Variants in PARD3B observed in about 807,000 individuals in gnomAD.
PARD3B encodes the protein par-3 family cell polarity regulator beta.
A neutral mutation model predicts 130.2 loss-of-function variants in PARD3B; 103 were observed. The ratio of observed to expected loss-of-function variants is 0.79; its 90% CI spans 0.67 to 0.93. The LOEUF (loss-of-function observed/expected upper bound fraction) is 0.93. Among genes scored for constraint, PARD3B ranks in the 40% least tolerant of loss-of-function variants. The pLI, the probability that PARD3B is intolerant of heterozygous loss-of-function variation, is 0.00. For synonymous variants in PARD3B, 583 were observed against 553.2 expected, an observed-to-expected ratio of 1.05 and a Z score of -0.76; for missense variants, 1,609 against 1,499.2, an observed-to-expected ratio of 1.07 and a Z score of -1.21.
chr2:205,188,030 C>T (rs2036194038), intron 14 of PARD3B, among the ~76,000 whole-genome samples: 2 of 152,148 alleles, frequency 1.3e-5, no homozygotes, highest in Admixed American at 1.3e-4. Flanking sequence ...GGAAAGCATC[C>T]CTGCCTGCAA....
At chr2:204,588,196 T>C (rs952592730) in intron 1 of PARD3B, among the ~76,000 whole-genome samples, 4 of 152,234 alleles carry the variant, frequency 2.6e-5, no homozygotes, top group Non-Finnish European at 5.9e-5. Flanking sequence ...TTCCGTGACT[T>C]GGACTTGCAT....
At chr2:204,932,103 C>A (rs780146128) in intron 2 of PARD3B, among the ~76,000 whole-genome samples, 2 of 152,002 alleles carry the variant, frequency 1.3e-5, no homozygotes, top group African/African-American at 4.8e-5. Flanking sequence ...TCTTAGAGAT[C>A]TTTTCATCAT....
At chr2:204,790,633 C>A (rs1349032593) in intron 2 of PARD3B, among the ~76,000 whole-genome samples, 1 of 152,074 alleles carries the variant, frequency 6.6e-6, no homozygotes, top group African/African-American at 2.4e-5. Context: ...TTTAGTAGAC[C>A]CGTATGGATG....
rs752637833 is a variant in PARD3B at position 205,176,597 on chromosome 2, ATCCAC to A, written c.1924+22_1924+26del. The A allele has an allele frequency of 6.4e-7, 1 of 1,572,832 alleles. No individual in the cohort carries two copies. Among genetic ancestry groups the A allele is most frequent in the South Asian group, 1.2e-5 (1 of 84,606 alleles). ...AGAAAGGTAAGAGTCTATTCATTTT[ATCCAC>A]TGCAAATGGAGTGAGAAAACACAAA... is the stretch of plus-strand genomic sequence containing the variant. On this transcript the variant is annotated intron_variant, in intron 13 of 22. Coordinates refer to ENST00000406610, the MANE Select transcript of PARD3B (RefSeq NM_001302769.2). The surrounding 1 kb of genome is among the most constrained non-coding windows in gnomAD (Gnocchi z 5.3).
At chr2:204,955,468 AG>A (rs1238917410) in intron 2 of PARD3B, among the ~76,000 whole-genome samples, 9 of 152,212 alleles carry the variant, frequency 5.9e-5, no homozygotes, top group African/African-American at 1.9e-4. Context: ...AAAAGTCAGG[AG>A]TAGGGAGATG....
chr2:205,109,556 T>A (rs989930842), intron 5 of PARD3B, among the ~76,000 whole-genome samples: 3 of 152,186 alleles, frequency 2.0e-5, no homozygotes, highest in African/African-American at 7.2e-5. Context: ...ATTGAATGCT[T>A]TGTAAATACC....
intron 2 of PARD3B, among the ~76,000 whole-genome samples, chr2:204,931,723 G>C (rs182653727): frequency 6.6e-6 from 1 of 151,814 alleles, no homozygotes; most frequent in East Asian, 1.9e-4. Context: ...TACTGGCCCT[G>C]TATCTGGTTA....
intron 1 of PARD3B, among the ~76,000 whole-genome samples, chr2:204,570,707 T>C (rs1029982887): frequency 2.0e-5 from 3 of 150,578 alleles, no homozygotes; most frequent in African/African-American, 7.3e-5. Flanking sequence ...CTGTTGTAAC[T>C]GAGGTGTATA....
intron 2 of PARD3B, among the ~76,000 whole-genome samples, chr2:204,741,854 A>AG (rs2040021579): frequency 6.8e-6 from 1 of 146,140 alleles, no homozygotes; most frequent in African/African-American, 2.7e-5. Context: ...TTCTAAAAGC[A>AG]ATTTTTTTTT....
chr2:205,001,959 A>G (rs1389061676), intron 3 of PARD3B, among the ~76,000 whole-genome samples: 1 of 152,214 alleles, frequency 6.6e-6, no homozygotes, highest in Non-Finnish European at 1.5e-5. Flanking sequence ...ATACACTGAA[A>G]TTTAATTGGG....
chr2:205,046,125 T>A (rs1698759454), intron 3 of PARD3B, among the ~76,000 whole-genome samples: 1 of 152,156 alleles, frequency 6.6e-6, no homozygotes, highest in South Asian at 2.1e-4. Flanking sequence ...TGCTGGTAAT[T>A]GAGGGGCTTA....
At chr2:205,284,017 AG>A (rs1229022246) in intron 16 of PARD3B, among the ~76,000 whole-genome samples, 1 of 152,232 alleles carries the variant, frequency 6.6e-6, no homozygotes, top group African/African-American at 2.4e-5. Context: ...GTGAATTAAA[AG>A]GTTATGTCAG....
intron 22 of PARD3B, among the ~76,000 whole-genome samples, chr2:205,613,597 G>C (rs1426498096): frequency 6.6e-6 from 1 of 152,162 alleles, no homozygotes; most frequent in Non-Finnish European, 1.5e-5. Context: ...ATACAGCAAA[G>C]CAAACTGCAC....
chr2:205,015,449 T>A lies in PARD3B; in HGVS notation c.395-32132T>A, dbSNP rs1696069332. Among the ~76,000 whole-genome samples the A allele has an allele frequency of 6.6e-6, 1 of 152,178 alleles. No homozygotes were observed. On this transcript the variant is annotated intron_variant, in intron 3 of 22. Coordinates refer to ENST00000406610, the MANE Select transcript of PARD3B (RefSeq NM_001302769.2). This position sits in a 1 kb window ranked among gnomAD's most constrained non-coding sequence, Gnocchi z 4.5. ...GGTCAACCATACTGACATGTTTACA[T>A]GTATTTCTCCTTGGCAAGATGCAGA...
chr2:204,668,595 T>A (rs1030602820), intron 1 of PARD3B, among the ~76,000 whole-genome samples: 5 of 152,138 alleles, frequency 3.3e-5, no homozygotes, highest in African/African-American at 1.2e-4. Context: ...TCCAAATACA[T>A]CTCTGAGGTA....
chr2:205,510,139 A>G (rs546102557), intron 21 of PARD3B, among the ~76,000 whole-genome samples: 1 of 152,314 alleles, frequency 6.6e-6, no homozygotes, highest in Non-Finnish European at 1.5e-5. Context: ...AATTTGGGCA[A>G]TTTATTTTAC....
rs778873895 is a variant in PARD3B, at chr2:204,654,202, C to G, written c.121-31979C>G. Among the ~76,000 whole-genome samples the G allele has an allele frequency of 3.0e-4, 46 of 151,090 alleles. 1 individual carries two copies. Among genetic ancestry groups the G allele is most frequent in the Admixed American group, 3.0e-3 (46 of 15,258 alleles). On this transcript the variant is annotated intron_variant, in intron 1 of 22. Coordinates refer to ENST00000406610, the MANE Select transcript of PARD3B (RefSeq NM_001302769.2). Reference sequence around the variant, plus strand: ...CTTGGTTAACTTATGGTGAGTGTGCCTGTGTTCATCTAATACCTTTCATAT... The same window carrying G: ...CTTGGTTAACTTATGGTGAGTGTGCGTGTGTTCATCTAATACCTTTCATAT...
At chr2:204,556,620 A>G (rs1001901861) in intron 1 of PARD3B, among the ~76,000 whole-genome samples, 11 of 152,170 alleles carry the variant, frequency 7.2e-5, no homozygotes, top group African/African-American at 2.7e-4. Flanking sequence ...CGTAGCCTGG[A>G]GAGGAGTGGG....
intron 11 of PARD3B, 118 bp from the exon 12 acceptor site, chr2:205,172,093 C>G: frequency 1.0e-6 from 1 of 979,622 alleles, no homozygotes; most frequent in Non-Finnish European, 1.5e-6. Context: ...TCACTTCTAA[C>G]AGCTAGGTTT....
Sources: allele counts gnomAD v4.1 joint callset (sites outside exome capture counted in the v4.1 genomes callset), GRCh38; gene constraint gnomAD v4.1.1; non-coding constraint Gnocchi (gnomAD v3.1); transcripts MANE v1.5; gene names NCBI Gene and HGNC (gene_info 2026-07-23, HGNC 2026-07-21).